TRIO: variants seen among roughly 807,000 people sequenced by gnomAD.
The protein encoded by TRIO is trio Rho guanine nucleotide exchange factor.
A neutral mutation model predicts 351.9 loss-of-function variants in TRIO; 58 were observed. The observed-to-expected ratio is 0.16, with a 90% CI of 0.13 to 0.21. TRIO has a LOEUF of 0.21. TRIO is among the 10% of genes least tolerant of loss of function. The pLI is 1.00. For missense variants in TRIO, 3,201 were observed against 4,027.8 expected, an observed-to-expected ratio of 0.79 and a Z score of 5.56; for synonymous variants, 1,758 against 1,595.7, an observed-to-expected ratio of 1.10 and a Z score of -2.42.
chr5:14,332,636 T>G (rs1196126594), intron 10 of TRIO, among the ~76,000 whole-genome samples: 1 of 152,262 alleles, frequency 6.6e-6, no homozygotes, highest in Non-Finnish European at 1.5e-5. Context: ...TTCTTTAGAC[T>G]GGCACGTATT....
At chr5:14,455,293 G>C (rs762665054) in intron 34 of TRIO, among the ~76,000 whole-genome samples, 4 of 152,194 alleles carry the variant, frequency 2.6e-5, no homozygotes, top group Non-Finnish European at 5.9e-5. Flanking sequence ...AGAGCTGATT[G>C]GTCCATTTTG....
intron 18 of TRIO, 31 bp from the exon 19 acceptor site, chr5:14,374,198 T>G (rs1453710209): frequency 6.3e-7 from 1 of 1,575,134 alleles, no homozygotes; most frequent in East Asian, 2.3e-5. Context: ...GAAGTCAAAT[T>G]AGCAACACAT....
chr5:14,492,240 C>T (rs1288293092), intron 48 of TRIO: 1 of 341,904 alleles, frequency 2.9e-6, no homozygotes, highest in Admixed American at 4.6e-5. Flanking sequence ...CCTAACGTGG[C>T]GTCAGCAGGA....
At chr5:14,295,132 G>T (rs1000355272) in intron 6 of TRIO, among the ~76,000 whole-genome samples, 1 of 152,086 alleles carries the variant, frequency 6.6e-6, no homozygotes, top group Non-Finnish European at 1.5e-5. Flanking sequence ...CAGGGCAAGG[G>T]TATTTAACCT....
chr5:14,332,339 C>A (rs1009197574), intron 10 of TRIO, among the ~76,000 whole-genome samples: 1 of 152,142 alleles, frequency 6.6e-6, no homozygotes. Context: ...TGAATTCATT[C>A]TTGATTTTTA....
chr5:14,380,874 A>G (rs534465655), intron 20 of TRIO, among the ~76,000 whole-genome samples: 17 of 152,364 alleles, frequency 1.1e-4, no homozygotes, highest in South Asian at 4.1e-4. Context: ...ACACCATGGA[A>G]TACTAAGAAA....
At chr5:14,339,034 T>C (rs1409882336) in intron 11 of TRIO, among the ~76,000 whole-genome samples, 1 of 152,094 alleles carries the variant, frequency 6.6e-6, no homozygotes, top group Admixed American at 6.5e-5. Context: ...CACTAAAGGA[T>C]AACTGGAAGG....
rs756473641 is a variant in TRIO at position 14,492,648 on chromosome 5, G to C, written c.7714G>C (p.Val2572Leu). Residue 2572 changes from valine (V) to leucine (L), a missense_variant, in exon 49 of 57, where the codon GTC becomes CTC. Around this residue, in one of 19 missense-constraint regions of TRIO, gnomAD observed 1,089 missense variants for 954.9 expected, o/e 1.14. Coordinates refer to ENST00000344204, the MANE Select transcript of TRIO (RefSeq NM_007118.4). Reference sequence around the variant, plus strand: ...GGCAGTGAAGGAGGATGAGATCAACGTCTACCAAGGAGAGGTCGTTCAAAT... The same window carrying C: ...GGCAGTGAAGGAGGATGAGATCAACCTCTACCAAGGAGAGGTCGTTCAAAT... ...YTAVKEDEIN[V>L]YQGEVVQILA... 1.9e-6 allele frequency: 3 copies of C among 1,614,202 alleles called. No homozygotes were observed. The highest frequency in any genetic ancestry group is 2.5e-6 in the Non-Finnish European group (3 of 1,180,050).
chr5:14,220,483 G>T (rs978682263), intron 1 of TRIO, among the ~76,000 whole-genome samples: 1 of 152,222 alleles, frequency 6.6e-6, no homozygotes, highest in African/African-American at 2.4e-5. Context: ...TAAATCAAAA[G>T]CTAGAAATGA....
At chr5:14,182,873 T>C (rs63449562) in intron 1 of TRIO, among the ~76,000 whole-genome samples, 12,766 of 32,116 alleles carry the variant, frequency 0.4, 1,739 homozygotes, top group African/African-American at 0.53. Flanking sequence ...CCCCCCCCCC[T>C]CCACTTTGCC....
chr5:14,294,462 C>G (rs1013628227), intron 6 of TRIO, among the ~76,000 whole-genome samples: 2 of 152,092 alleles, frequency 1.3e-5, no homozygotes, highest in Non-Finnish European at 2.9e-5. Flanking sequence ...TTAGAATTTT[C>G]TGAAACTTTT....
chr5:14,270,876 A>G lies in TRIO; in HGVS notation c.209A>G (p.Lys70Arg). The G allele has an allele frequency of 6.2e-7, 1 of 1,614,000 alleles. No homozygotes were observed. Among genetic ancestry groups the G allele is most frequent in the Non-Finnish European group, 8.5e-7 (1 of 1,179,912 alleles). Reference sequence around the variant, plus strand: ...GCTATGGATGTTTTACCAATTTTGAAGGAAAAAGTTGCATACCTTTCAGGT... The same window carrying G: ...GCTATGGATGTTTTACCAATTTTGAGGGAAAAAGTTGCATACCTTTCAGGT... ...MKAMDVLPIL[K>R]EKVAYLSGGR... Residue 70 changes from lysine to arginine, a missense_variant, in exon 2 of 57, where the codon AAG (lysine) becomes AGG (arginine). By Grantham distance (26) the Lys-to-Arg change is conservative (BLOSUM62 2). Around this residue, in one of 19 missense-constraint regions of TRIO, gnomAD observed 109 missense variants for 134.6 expected, o/e 0.81. Transcript: ENST00000344204.
At chr5:14,400,239 G>C (rs1417560398) in intron 30 of TRIO, among the ~76,000 whole-genome samples, 1 of 152,170 alleles carries the variant, frequency 6.6e-6, no homozygotes, top group African/African-American at 2.4e-5. Context: ...TCTCTCTTTA[G>C]AGACCAAGCT....
intron 18 of TRIO, among the ~76,000 whole-genome samples, chr5:14,372,104 C>T (rs2152346430): frequency 6.6e-6 from 1 of 152,132 alleles, no homozygotes; most frequent in South Asian, 2.1e-4. Flanking sequence ...TGAGGCATTT[C>T]CCCCATTCCA....
chr5:14,280,207 C>T (rs1223180031), intron 2 of TRIO, 115 bp from the exon 3 acceptor site: 1 of 916,418 alleles, frequency 1.1e-6, no homozygotes, highest in African/African-American at 1.6e-5. Flanking sequence ...GGACTTCTGC[C>T]CTGTGCAAAT....
intron 1 of TRIO, among the ~76,000 whole-genome samples, chr5:14,145,369 G>A (rs538352630): frequency 3.3e-5 from 5 of 152,282 alleles, no homozygotes; most frequent in African/African-American, 1.2e-4. Flanking sequence ...GTGGCTGGGA[G>A]TGACACAGCC....
At chr5:14,280,536 G>C in intron 3 of TRIO, 100 bp downstream of exon 3, 2 of 991,150 alleles carry the variant, frequency 2.0e-6, no homozygotes, top group Non-Finnish European at 3.1e-6. Flanking sequence ...CTGCATTCCA[G>C]GCAAAGTAGT....
chr5:14,396,361 C>T lies in TRIO; in HGVS notation c.4312-682C>T, dbSNP rs1236121755. Among the ~76,000 whole-genome samples, 7 of 147,332 alleles carry T rather than the reference C, an allele frequency of 4.8e-5. No individual in the cohort carries two copies. The East Asian group carries it at 6.4e-4, about 13-fold the overall frequency. Reference sequence around the variant, plus strand: ...AGTCACGCTGGGATTGTGTGGTAAACGCACAGTTGGACCTGACATGGCAGT... The same window carrying T: ...AGTCACGCTGGGATTGTGTGGTAAATGCACAGTTGGACCTGACATGGCAGT... On this transcript the variant is annotated intron_variant, in intron 28 of 56. Transcript: ENST00000344204.
intron 1 of TRIO, among the ~76,000 whole-genome samples, chr5:14,151,033 G>A (rs571289830): frequency 6.6e-6 from 1 of 152,236 alleles, no homozygotes; most frequent in Admixed American, 6.5e-5. Flanking sequence ...TGTCCAGATC[G>A]AAGATGACAA....
Sources: allele counts gnomAD v4.1 joint callset (sites outside exome capture counted in the v4.1 genomes callset), GRCh38; gene constraint gnomAD v4.1.1; regional missense constraint gnomAD v4.1.1; transcripts MANE v1.5; gene names NCBI Gene and HGNC (gene_info 2026-07-23, HGNC 2026-07-21).